TCERG1: variants seen among roughly 807,000 people sequenced by gnomAD.
TCERG1 encodes the protein transcription elongation regulator 1.
In TCERG1, 37 loss-of-function variants were observed where a neutral mutation model predicts 144.7. The ratio of observed to expected loss-of-function variants is 0.26; its 90% CI spans 0.20 to 0.34. The LOEUF is 0.34. TCERG1 is among the 10% of genes least tolerant of loss of function. The probability of loss-of-function intolerance (pLI) is 1.00; values close to 1 mark genes in which losing one functional copy is unlikely to be tolerated. For synonymous variants in TCERG1, 492 were observed against 458.2 expected (o/e 1.07, Z -0.94); for missense variants, 1,027 against 1,380.7 (o/e 0.74, Z 4.06).
intron 17 of TCERG1, among the ~76,000 whole-genome samples, chr5:146,501,372 C>G (rs549863970): frequency 6.6e-6 from 1 of 152,242 alleles, no homozygotes; most frequent in African/African-American, 2.4e-5. Flanking sequence ...CATTTATAAC[C>G]TGTCATGGTA....
chr5:146,478,288 G>T (rs1765037689), intron 9 of TCERG1: 2 of 419,402 alleles, frequency 4.8e-6, no homozygotes, highest in East Asian at 3.9e-5. Context: ...GGTTTTCTCA[G>T]TTAATATGTT....
rs1764110358 is a variant in TCERG1 at position 146,469,678 on chromosome 5, A to G, written c.1333A>G (p.Thr445Ala). ...WTEYKTADGK[T>A]YYYNNRTLES... ...TGAATATAAAACAGCAGATGGGAAG[A>G]CATATTATTATAATAATAGAACATT... Residue 445 changes from threonine to alanine, a missense_variant, in exon 7 of 23, where the codon ACA (threonine) becomes GCA (alanine). Coordinates refer to ENST00000679501, the MANE Select transcript of TCERG1 (RefSeq NM_001382548.1). The G allele has an allele frequency of 1.2e-6, 2 of 1,612,892 alleles. No homozygotes were observed. The highest frequency in any genetic ancestry group is 1.7e-6 in the Non-Finnish European group (2 of 1,179,366).
intron 10 of TCERG1, 142 bp from the exon 11 acceptor site, chr5:146,479,713 T>C (rs1464944486): frequency 2.7e-6 from 2 of 736,256 alleles, no homozygotes; most frequent in African/African-American, 1.8e-5. Context: ...AGAGGAAGTG[T>C]AGAATTATGC....
At chr5:146,452,411 A>G (rs982247115) in intron 1 of TCERG1, among the ~76,000 whole-genome samples, 2 of 152,098 alleles carry the variant, frequency 1.3e-5, no homozygotes, top group Non-Finnish European at 2.9e-5. Flanking sequence ...TGCATACGCT[A>G]CTTGTAAGGT....
chr5:146,506,824 A>G (rs980633961), intron 19 of TCERG1, among the ~76,000 whole-genome samples: 1 of 152,170 alleles, frequency 6.6e-6, no homozygotes, highest in African/African-American at 2.4e-5. Context: ...CCATAAATGA[A>G]TAGAATTTTC....
rs1766996763 is a variant in TCERG1 at position 146,497,120 on chromosome 5, C to T, written c.2283-1416C>T. Among the ~76,000 whole-genome samples, 3 of 151,970 alleles carry T rather than the reference C, an allele frequency of 2.0e-5. No homozygotes were observed. The South Asian group carries it at 6.2e-4, about 32-fold the overall frequency. On this transcript the variant is annotated intron_variant, in intron 16 of 22. Coordinates refer to ENST00000679501, the MANE Select transcript of TCERG1 (RefSeq NM_001382548.1). ...CTCCTGACCTCAACTGATCCACCTG[C>T]CTTGGCCTCCCAAAGTGGTGAGATT...
At chr5:146,488,613 A>G (rs565267165) in intron 15 of TCERG1, among the ~76,000 whole-genome samples, 57 of 152,344 alleles carry the variant, frequency 3.7e-4, no homozygotes, top group Non-Finnish European at 5.9e-4. Context: ...AACTCTTTAT[A>G]TACTGTTGGT....
chr5:146,488,522 G>A (rs1766075789), intron 15 of TCERG1, among the ~76,000 whole-genome samples: 1 of 152,098 alleles, frequency 6.6e-6, no homozygotes, highest in South Asian at 2.1e-4. Flanking sequence ...CAAAACAGCA[G>A]TGAGGTGTCT....
chr5:146,504,900 G>A (rs1287136229), intron 19 of TCERG1, among the ~76,000 whole-genome samples: 2 of 152,054 alleles, frequency 1.3e-5, no homozygotes, highest in African/African-American at 4.8e-5. Flanking sequence ...TACAAAATTA[G>A]CCGGGTGTGG....
At position 146,487,750 on chromosome 5, in the gene TCERG1, T is replaced by G. The variant is rs1489282415; in HGVS notation, c.2163+4121T>G. On this transcript the variant is annotated intron_variant, in intron 15 of 22. Transcript: ENST00000679501. ...CTGTTTCAAAAAAAAAAAAAAAAAA[T>G]CCTAAAATTTTTGTGAAACCAAAAA... Among the ~76,000 whole-genome samples, 3 of 139,056 alleles carry G rather than the reference T, an allele frequency of 2.2e-5. No homozygotes were observed. The East Asian group carries it at 6.0e-4, about 28-fold the overall frequency. The allele number at this position is 139,056 out of a possible 152,430, so 91.2% of individuals were successfully genotyped here.
At chr5:146,502,747 GATTA>G (rs1369685864) in intron 17 of TCERG1, among the ~76,000 whole-genome samples, 8 of 152,102 alleles carry the variant, frequency 5.3e-5, no homozygotes, top group African/African-American at 1.9e-4. Context: ...TTTTAGTAAT[GATTA>G]ATTATGAACA....
chr5:146,464,022 T>C (rs1430838841), intron 5 of TCERG1, among the ~76,000 whole-genome samples: 1 of 152,232 alleles, frequency 6.6e-6, no homozygotes, highest in Non-Finnish European at 1.5e-5. Context: ...GCTACACTTA[T>C]TTTGGATAAT....
chr5:146,478,670 G>T lies in TCERG1; in HGVS notation c.1762+17G>T, dbSNP rs1189142065. On this transcript the variant is annotated intron_variant, in intron 10 of 22. Transcript: ENST00000679501. ...AGAAACTAAGTAAGTTTTAAATTAGGAATTTATCCACTGATTTTAACATTC... is the reference window on the plus strand; with the variant it reads ...AGAAACTAAGTAAGTTTTAAATTAGTAATTTATCCACTGATTTTAACATTC... The T allele has an allele frequency of 1.3e-6, 2 of 1,551,332 alleles. No homozygotes were observed. Among genetic ancestry groups the T allele is most frequent in the East Asian group, 2.3e-5 (1 of 43,742 alleles).
intron 16 of TCERG1, 107 bp from the exon 17 acceptor site, chr5:146,498,429 A>G: frequency 4.2e-6 from 5 of 1,187,746 alleles, no homozygotes; most frequent in Non-Finnish European, 5.8e-6. Context: ...GTTGAGTCCC[A>G]GTGTCTCTTT....
Position 146,482,696 on chromosome 5 carries a change from A to G in TCERG1, c.2042A>G (p.Lys681Arg), listed in dbSNP as rs200670436. Residue 681 changes from lysine to arginine, a missense_variant, in exon 14 of 23, where the codon AAG becomes AGG. Around this residue, in one of 6 missense-constraint regions of TCERG1, gnomAD observed 482 missense variants for 632.6 expected, o/e 0.76. Transcript: ENST00000679501. ...ATTGTCCCTCTGGAGGCTCGAATGA[A>G]GCAGTTCAAGGACATGCTGCTAGAG... Reference protein sequence around the residue: ...RAIVPLEARMKQFKDMLLERG... With the variant: ...RAIVPLEARMRQFKDMLLERG... 6.2e-7 allele frequency: 1 copy of G among 1,613,210 alleles called. No individual in the cohort carries two copies. The highest frequency in any genetic ancestry group is 2.2e-5 in the East Asian group (1 of 44,840).
chr5:146,466,462 A>G (rs180701456), intron 5 of TCERG1, among the ~76,000 whole-genome samples: 284 of 152,348 alleles, frequency 1.9e-3, no homozygotes, highest in Non-Finnish European at 2.8e-3. Context: ...TTCTAAAACT[A>G]TAAAATCTTA....
rs541460182 is a variant in TCERG1 at position 146,464,785 on chromosome 5, A to T, written c.1135+992A>T. ...TCCATCCACTTATTGCTACTTTCTTATACTCCTTTCTGTGTAAGAATACAG... is the reference window on the plus strand; with the variant it reads ...TCCATCCACTTATTGCTACTTTCTTTTACTCCTTTCTGTGTAAGAATACAG... On this transcript the variant is annotated intron_variant, in intron 5 of 22. Transcript: ENST00000679501. Among the ~76,000 whole-genome samples, 183 of 152,264 alleles carry T rather than the reference A, an allele frequency of 1.2e-3. 1 individual carries two copies. The highest frequency in any genetic ancestry group is 4.1e-3 in the African/African-American group (170 of 41,564).
chr5:146,508,576 C>T (rs2150939163), intron 21 of TCERG1, among the ~76,000 whole-genome samples: 1 of 152,134 alleles, frequency 6.6e-6, no homozygotes. Context: ...AGGGGTAGAC[C>T]CAGTCTCAGT....
At chr5:146,506,678 C>T (rs1050543066) in intron 19 of TCERG1, among the ~76,000 whole-genome samples, 5 of 152,160 alleles carry the variant, frequency 3.3e-5, no homozygotes, top group Admixed American at 1.3e-4. Flanking sequence ...TCTCCTACCC[C>T]CTAGACTTTG....
Sources: gnomAD v4.1 joint callset for allele counts (sites outside exome capture counted in the v4.1 genomes callset) on GRCh38, gnomAD v4.1.1 for gene constraint, gnomAD v4.1.1 regional missense constraint, MANE v1.5 for transcripts, NCBI Gene and HGNC (gene_info 2026-07-23, HGNC 2026-07-21) for gene names.